CRAMP1: variants seen among roughly 807,000 people sequenced by gnomAD.
CRAMP1 encodes the protein protein cramped-like.
In CRAMP1, 50 loss-of-function variants were observed where a neutral mutation model predicts 115.4. The observed-to-expected ratio is 0.43, with a 90% CI of 0.35 to 0.55. CRAMP1 has a LOEUF of 0.55. Among genes scored for constraint, CRAMP1 ranks in the 20% least tolerant of loss-of-function variants. CRAMP1 has a pLI of 0.01. For missense variants in CRAMP1, 1,679 were observed against 1,721.7 expected (o/e 0.98, Z 0.44); for synonymous variants, 866 against 745.4 (o/e 1.16, Z -2.64).
At chr16:1,634,967 C>A (rs1168827899) in intron 4 of CRAMP1, among the ~76,000 whole-genome samples, 1 of 152,208 alleles carries the variant, frequency 6.6e-6, no homozygotes, top group Admixed American at 6.5e-5. Flanking sequence ...GGCGCACTCT[C>A]AGCTCACTGT....
chr16:1,639,326 C>T (rs1012651967), intron 5 of CRAMP1, among the ~76,000 whole-genome samples: 2 of 151,820 alleles, frequency 1.3e-5, no homozygotes, highest in African/African-American at 4.8e-5. Context: ...CCAAAGTACA[C>T]TCCACAGGGT....
chr16:1,637,893 A>G lies in CRAMP1; in HGVS notation c.764A>G (p.Lys255Arg). ...YGLICYGELR[K>R]KIGGCMDDKN... ...CTGATCTGCTATGGCGAGCTGCGCA[A>G]GAAGATTGGGGGCTGTGAGTACGCT... is the stretch of plus-strand genomic sequence containing the variant. The change falls in exon 5 of 21, where the codon AAG becomes AGG. Residue 255 changes from lysine to arginine, a missense_variant. Lys to Arg is a conservative substitution (Grantham distance 26). Transcript: ENST00000397412. 6.4e-7 allele frequency: 1 copy of G among 1,552,406 alleles called. No homozygotes were observed. The highest frequency in any genetic ancestry group is 8.7e-7 in the Non-Finnish European group (1 of 1,149,584).
intron 6 of CRAMP1, among the ~76,000 whole-genome samples, chr16:1,643,559 A>C (rs982991651): frequency 2.6e-5 from 4 of 151,938 alleles, no homozygotes; most frequent in African/African-American, 9.7e-5. Flanking sequence ...AAAAAAAAAA[A>C]AAACCCTCAG....
chr16:1,655,830 C>G (rs1171918633), intron 9 of CRAMP1, 47 bp from the exon 10 acceptor site: 4 of 1,566,162 alleles, frequency 2.6e-6, no homozygotes, highest in East Asian at 2.3e-5. Context: ...GGTCAGCATC[C>G]CGACCTCAGT....
chr16:1,672,575 T>C lies in CRAMP1; in HGVS notation c.3646-1306T>C, dbSNP rs2036930917. 6.6e-6 allele frequency among the ~76,000 whole-genome samples: 1 copy of C among 152,214 alleles called. No homozygotes were observed. Among genetic ancestry groups the C allele is most frequent in the Non-Finnish European group, 1.5e-5 (1 of 68,046 alleles). On this transcript the variant is annotated intron_variant, in intron 20 of 20. Transcript: ENST00000397412. This position sits in a 1 kb window ranked among gnomAD's most constrained non-coding sequence, Gnocchi z 4.9. ...TCTGCTTTTGAAAACAAATTTTAAT[T>C]TGTCTGACATTTCCCATAATCAAAG...
chr16:1,665,674 T>A, intron 14 of CRAMP1: 1 of 229,284 alleles, frequency 4.4e-6, no homozygotes, highest in Non-Finnish European at 8.6e-6. Flanking sequence ...TCTTGCCTAC[T>A]TGTCAATTTT....
At chr16:1,619,321 C>T (rs761827068) in intron 2 of CRAMP1, among the ~76,000 whole-genome samples, 2 of 152,176 alleles carry the variant, frequency 1.3e-5, no homozygotes, top group Admixed American at 6.5e-5. Context: ...GCTGGGACTA[C>T]AGGCGCATGC....
In CRAMP1 at chr16:1,614,436, C is replaced by T. The variant is rs984385955; in HGVS notation, c.-1-203C>T. Among the ~76,000 whole-genome samples the T allele has an allele frequency of 2.3e-4, 33 of 145,246 alleles. No homozygotes were observed. The highest frequency in any genetic ancestry group is 7.4e-4 in the African/African-American group (30 of 40,596). On this transcript the variant is annotated intron_variant, in intron 1 of 20. Coordinates refer to ENST00000397412, the MANE Select transcript of CRAMP1 (RefSeq NM_020825.4). This position sits in a 1 kb window ranked among gnomAD's most constrained non-coding sequence, Gnocchi z 4.4. ...GCGTCCGGGGAGGCCCGGGAGGGTC[C>T]CGGGCTGGTGGGCAGGGCCGGGGGC...
At position 1,614,796 on chromosome 16, in the gene CRAMP1, C is replaced by T; in HGVS notation, c.157C>T (p.Arg53Trp). The T allele has an allele frequency of 3.9e-6, 5 of 1,293,418 alleles. No homozygotes were observed. Among genetic ancestry groups the T allele is most frequent in the Non-Finnish European group, 4.9e-6 (5 of 1,021,524 alleles). The allele number at this position is 1,293,418 out of a possible 1,614,324, so 80.1% of individuals were successfully genotyped here. The change falls in exon 2 of 21, where the codon CGG becomes TGG. Residue 53 changes from arginine to tryptophan, a missense_variant. Arg to Trp is a moderately radical substitution (Grantham distance 101). This residue lies in a region of CRAMP1 where 264 missense variants were observed against 229.7 expected (regional missense o/e 1.15). Transcript: ENST00000397412. This position sits in a 1 kb window ranked among gnomAD's most constrained non-coding sequence, Gnocchi z 4.4. Reference protein sequence around the residue: ...SGTKRDEKTPRAGADGPPAPP... With the variant: ...SGTKRDEKTPWAGADGPPAPP... ...CACAAAGAGGGACGAGAAGACCCCC[C>T]GGGCCGGCGCCGACGGCCCCCCCGC...
intron 6 of CRAMP1, among the ~76,000 whole-genome samples, chr16:1,644,065 G>A (rs936719702): frequency 2.0e-5 from 3 of 152,236 alleles, no homozygotes; most frequent in African/African-American, 4.8e-5. Flanking sequence ...GGGCGCTGAT[G>A]GGGAATTTGC....
rs1443087805 is a variant in CRAMP1 at position 1,674,887 on chromosome 16, G to A, written c.*842G>A. On this transcript the variant is annotated 3_prime_UTR_variant, in exon 21 of 21. Coordinates refer to ENST00000397412, the MANE Select transcript of CRAMP1 (RefSeq NM_020825.4). ...ATCTAAGGTGTCATTTCTCCCTCCT[G>A]GGGTGACCCTTAGGCGCTAATATGA... 2 of 152,148 alleles carry A rather than the reference G, an allele frequency of 1.3e-5. No individual in the cohort carries two copies. The highest frequency in any genetic ancestry group is 1.3e-4 in the Admixed American group (2 of 15,278). 9.4% of individuals were successfully genotyped at this position (152,148 alleles called of 1,614,324 possible).
At chr16:1,652,121 G>A (rs950678504) in intron 6 of CRAMP1, among the ~76,000 whole-genome samples, 1 of 152,208 alleles carries the variant, frequency 6.6e-6, no homozygotes, top group Admixed American at 6.5e-5. Context: ...GGCCCAAAGT[G>A]GGAGGACTGC....
At chr16:1,643,199 T>C (rs1435176007) in intron 6 of CRAMP1, among the ~76,000 whole-genome samples, 3 of 152,118 alleles carry the variant, frequency 2.0e-5, no homozygotes, top group Non-Finnish European at 4.4e-5. Flanking sequence ...CTTGCAGGAC[T>C]AGAGGTGCTG....
chr16:1,664,159 T>C (rs1314757608), intron 13 of CRAMP1, among the ~76,000 whole-genome samples: 3 of 152,246 alleles, frequency 2.0e-5, no homozygotes, highest in African/African-American at 7.2e-5. Flanking sequence ...CAGACACTTG[T>C]AGGTCGAGAG....
chr16:1,615,498 G>A (rs1323882181), intron 2 of CRAMP1, among the ~76,000 whole-genome samples: 1 of 152,194 alleles, frequency 6.6e-6, no homozygotes, highest in Non-Finnish European at 1.5e-5. Context: ...TTGAGAGTAG[G>A]AAGGGCATAG....
intron 6 of CRAMP1, among the ~76,000 whole-genome samples, chr16:1,643,382 A>G (rs1165475701): frequency 1.3e-5 from 2 of 152,182 alleles, no homozygotes; most frequent in East Asian, 1.9e-4. Flanking sequence ...CTCTGCTAAA[A>G]ATACAAAAAT....
At chr16:1,613,085 T>TG (rs1417794622) in intron 1 of CRAMP1, among the ~76,000 whole-genome samples, 1 of 151,866 alleles carries the variant, frequency 6.6e-6, no homozygotes, top group East Asian at 1.9e-4. Context: ...GGCGGACAGG[T>TG]CCCTGGGCAG....
rs1467862097 is a variant in CRAMP1 at position 1,614,978 on chromosome 16, C to T, written c.339C>T (p.Arg113=). ...GCAACGCCGGTGGCTCGGGGCCCCG[C>T]GGAAAAGGTAGGGCGGCCCGTCCCC... ...GSGNAGGSGP[R]GKGAEGGGSS... is the part of the protein sequence containing the mutation. Residue 113 remains arginine, a synonymous_variant, in exon 2 of 21, where the codon CGC becomes CGT. Coordinates refer to ENST00000397412, the MANE Select transcript of CRAMP1 (RefSeq NM_020825.4). This position sits in a 1 kb window ranked among gnomAD's most constrained non-coding sequence, Gnocchi z 4.4. 2 of 1,252,942 alleles carry T rather than the reference C, an allele frequency of 1.6e-6. No individual in the cohort carries two copies. Among genetic ancestry groups the T allele is most frequent in the Non-Finnish European group, 2.0e-6 (2 of 998,082 alleles). 77.6% of individuals were successfully genotyped at this position (1,252,942 alleles called of 1,614,324 possible).
chr16:1,666,511 C>T lies in CRAMP1; in HGVS notation c.2947C>T (p.Pro983Ser). ...LDTEGLSGIS[P>S]LSSDEVTGAI... ...CACCGAGGGCTTGTCTGGCATCTCTCCACTGTCTTCAGACGAGGTGACGGG... is the reference window on the plus strand; with the variant it reads ...CACCGAGGGCTTGTCTGGCATCTCTTCACTGTCTTCAGACGAGGTGACGGG... Residue 983 changes from proline to serine, a missense_variant, in exon 16 of 21, where the codon CCA becomes TCA. By Grantham distance (74) the Pro-to-Ser change is moderately conservative. Coordinates refer to ENST00000397412, the MANE Select transcript of CRAMP1 (RefSeq NM_020825.4). The surrounding 1 kb of genome is among the most constrained non-coding windows in gnomAD (Gnocchi z 5.0). 1.2e-6 allele frequency: 2 copies of T among 1,613,954 alleles called. No individual in the cohort carries two copies. The highest frequency in any genetic ancestry group is 1.7e-6 in the Non-Finnish European group (2 of 1,179,846).
Sources: allele counts gnomAD v4.1 joint callset (sites outside exome capture counted in the v4.1 genomes callset), GRCh38; gene constraint gnomAD v4.1.1; regional missense constraint gnomAD v4.1.1; non-coding constraint Gnocchi (gnomAD v3.1); transcripts MANE v1.5; gene names NCBI Gene and HGNC (gene_info 2026-07-23, HGNC 2026-07-21).